Variants in SGCZ observed in about 807,000 individuals in gnomAD.
SGCZ encodes the protein zeta-sarcoglycan.
A neutral mutation model predicts 41.3 loss-of-function variants in SGCZ; 40 were observed. That is an observed-to-expected ratio of 0.97 (90% CI 0.75 to 1.26). The LOEUF (loss-of-function observed/expected upper bound fraction) is 1.26. Ranked by LOEUF, SGCZ falls within the 50% of genes most tolerant of loss-of-function variation. SGCZ has a pLI of 0.00. For missense variants in SGCZ, 552 were observed against 369.8 expected, an observed-to-expected ratio of 1.49 and a Z score of -4.04; for synonymous variants, 206 against 137.5, an observed-to-expected ratio of 1.50 and a Z score of -3.49.
At chr8:14,929,969 G>C (rs1799880020) in intron 1 of SGCZ, among the ~76,000 whole-genome samples, 1 of 151,938 alleles carries the variant, frequency 6.6e-6, no homozygotes. Flanking sequence ...TGGATGTTCA[G>C]TACAATTTCT....
At chr8:14,792,580 A>T (rs1800990704) in intron 1 of SGCZ, among the ~76,000 whole-genome samples, 1 of 151,894 alleles carries the variant, frequency 6.6e-6, no homozygotes, top group South Asian at 2.1e-4. Flanking sequence ...TTATATTATT[A>T]TTATACTTTA....
intron 3 of SGCZ, among the ~76,000 whole-genome samples, chr8:14,256,602 G>A (rs1375735311): frequency 1.3e-5 from 2 of 152,022 alleles, no homozygotes; most frequent in African/African-American, 4.8e-5. Context: ...TTAAGACAAT[G>A]CATTTTGAAG....
At chr8:14,355,169 T>C (rs1803249111) in intron 2 of SGCZ, among the ~76,000 whole-genome samples, 1 of 152,066 alleles carries the variant, frequency 6.6e-6, no homozygotes, top group African/African-American at 2.4e-5. Flanking sequence ...CCAAAGTGTT[T>C]GTGTACTTTG....
intron 1 of SGCZ, among the ~76,000 whole-genome samples, chr8:14,870,443 G>A (rs958967779): frequency 9.9e-5 from 15 of 152,084 alleles, no homozygotes; most frequent in African/African-American, 3.6e-4. Flanking sequence ...ACTCAAGTAA[G>A]ATTAAGGACT....
chr8:14,289,116 C>T (rs1332635808), intron 3 of SGCZ, among the ~76,000 whole-genome samples: 1 of 151,898 alleles, frequency 6.6e-6, no homozygotes, highest in African/African-American at 2.4e-5. Flanking sequence ...CATTTTGTAA[C>T]TCAGTTGTCT....
intron 2 of SGCZ, among the ~76,000 whole-genome samples, chr8:14,541,774 C>T (rs12155884): frequency 0.27 from 41,618 of 151,986 alleles, 7,186 homozygotes; most frequent in Non-Finnish European, 0.39. Flanking sequence ...CCTATTTCTC[C>T]ACATCTTCTC....
At chr8:14,312,050 T>C (rs1165721083) in intron 3 of SGCZ, among the ~76,000 whole-genome samples, 2 of 152,078 alleles carry the variant, frequency 1.3e-5, no homozygotes, top group Non-Finnish European at 2.9e-5. Context: ...TTAGTAGCTA[T>C]TAGTGGGGAC....
intron 1 of SGCZ, among the ~76,000 whole-genome samples, chr8:15,097,815 CGT>C (rs759275489): frequency 0.16 from 11,673 of 74,188 alleles, 1,115 homozygotes; most frequent in African/African-American, 0.28. Flanking sequence ...TATATATATA[CGT>C]GTGTGTATAT....
chr8:14,306,947 T>G (rs966120577), intron 3 of SGCZ, among the ~76,000 whole-genome samples: 2 of 152,184 alleles, frequency 1.3e-5, no homozygotes, highest in African/African-American at 2.4e-5. Context: ...AATAATTCAC[T>G]TCACAAATAG....
chr8:15,048,850 T>A (rs1202317051), intron 1 of SGCZ, among the ~76,000 whole-genome samples: 1 of 152,102 alleles, frequency 6.6e-6, no homozygotes, highest in Non-Finnish European at 1.5e-5. Context: ...AAACTCCCAC[T>A]GAATGGACAA....
intron 2 of SGCZ, among the ~76,000 whole-genome samples, chr8:14,551,472 ATTATATATT>A (rs1803816332): frequency 5.9e-4 from 11 of 18,646 alleles, no homozygotes; most frequent in Non-Finnish European, 7.4e-4. Flanking sequence ...TATTATATAT[ATTATATATT>A]ATATATATTA....
chr8:15,179,185 A>T (rs947806159), intron 1 of SGCZ, among the ~76,000 whole-genome samples: 1 of 152,160 alleles, frequency 6.6e-6, no homozygotes, highest in African/African-American at 2.4e-5. Flanking sequence ...TTAAGTAAAG[A>T]TTCTTATTAA....
At chr8:14,150,922 A>G (rs1384986678) in intron 5 of SGCZ, among the ~76,000 whole-genome samples, 5 of 152,324 alleles carry the variant, frequency 3.3e-5, no homozygotes, top group East Asian at 1.9e-4. Flanking sequence ...TAAGCCAGGC[A>G]CAGAAAGACA....
At chr8:14,395,170 C>A (rs567729425) in intron 2 of SGCZ, among the ~76,000 whole-genome samples, 1 of 152,264 alleles carries the variant, frequency 6.6e-6, no homozygotes, top group South Asian at 2.1e-4. Flanking sequence ...TAGATAATAT[C>A]TCTGACTTCT....
intron 1 of SGCZ, among the ~76,000 whole-genome samples, chr8:14,905,521 T>C (rs1799095758): frequency 2.0e-5 from 3 of 152,032 alleles, no homozygotes; most frequent in African/African-American, 7.2e-5. Flanking sequence ...TCTCCAGTAT[T>C]TGATAAAACT....
intron 1 of SGCZ, among the ~76,000 whole-genome samples, chr8:14,631,452 A>T (rs187039681): frequency 3.9e-5 from 6 of 152,132 alleles, no homozygotes; most frequent in Non-Finnish European, 8.8e-5. Context: ...GGAGGTATCT[A>T]CACCACAGAA....
At chr8:14,908,282 T>C (rs569546485) in intron 1 of SGCZ, among the ~76,000 whole-genome samples, 1 of 152,302 alleles carries the variant, frequency 6.6e-6, no homozygotes, top group African/African-American at 2.4e-5. Context: ...GACACAGGTA[T>C]GGTCCTTGTT....
At chr8:14,595,444 A>T (rs1169763065) in intron 1 of SGCZ, among the ~76,000 whole-genome samples, 1 of 91,238 alleles carries the variant, frequency 1.1e-5, no homozygotes, top group Admixed American at 1.0e-4. Flanking sequence ...CACACACACC[A>T]TGTACTGATG....
intron 4 of SGCZ, among the ~76,000 whole-genome samples, chr8:14,222,605 C>A (rs1422136928): frequency 6.6e-6 from 1 of 152,028 alleles, no homozygotes; most frequent in Non-Finnish European, 1.5e-5. Flanking sequence ...GATCAGAAAA[C>A]TCTTCTAACA....
Sources: allele counts gnomAD v4.1 joint callset (sites outside exome capture counted in the v4.1 genomes callset), GRCh38; gene constraint gnomAD v4.1.1; transcripts MANE v1.5; gene names NCBI Gene and HGNC (gene_info 2026-07-23, HGNC 2026-07-21).